The following MYRIP variants were observed in gnomAD, a reference collection of about 807,000 sequenced individuals.
MYRIP encodes the protein myosin VIIA and Rab interacting protein.
Under a neutral mutation model 98.0 loss-of-function variants are expected in MYRIP, and 49 were observed. That is an observed-to-expected ratio of 0.50 (90% CI 0.40 to 0.63). The LOEUF is 0.63. Ranked by LOEUF, MYRIP falls within the 30% of genes least tolerant of loss-of-function variation. The pLI is 0.00. For missense variants in MYRIP, 1,004 were observed against 1,058.2 expected (o/e 0.95, Z 0.71); for synonymous variants, 404 against 409.5 (o/e 0.99, Z 0.16).
chr3:40,108,002 A>G (rs1949082736), intron 3 of MYRIP, among the ~76,000 whole-genome samples: 1 of 152,228 alleles, frequency 6.6e-6, no homozygotes, highest in African/African-American at 2.4e-5. Context: ...TTCTGACATT[A>G]GCATAGAGAG....
chr3:39,964,515 A>T lies in MYRIP; in HGVS notation c.110+63589A>T, dbSNP rs114257882. Among the ~76,000 whole-genome samples the T allele has an allele frequency of 3.2e-3, 490 of 152,248 alleles. 3 individuals carry two copies. Among genetic ancestry groups the T allele is most frequent in the African/African-American group, 0.011 (463 of 41,562 alleles). ...TACTATAGATAAATTCTTAACACCT[A>T]TCCAAGGTCTTTATTCTTCCCTTTC... On this transcript the variant is annotated intron_variant, in intron 2 of 16. Transcript: ENST00000302541.
intron 1 of MYRIP, among the ~76,000 whole-genome samples, chr3:39,899,215 A>G (rs4676533): frequency 0.35 from 52,927 of 151,722 alleles, 9,560 homozygotes; most frequent in Middle Eastern, 0.45. Flanking sequence ...ACTTGTATGC[A>G]TGCTGTACAT....
intron 2 of MYRIP, among the ~76,000 whole-genome samples, chr3:40,022,868 G>T (rs538626423): frequency 3.9e-4 from 60 of 152,206 alleles, no homozygotes; most frequent in Non-Finnish European, 7.2e-4. Flanking sequence ...TAGATATTTT[G>T]AGTATTTTAG....
chr3:40,112,593 G>C (rs927128809), intron 3 of MYRIP, among the ~76,000 whole-genome samples: 2 of 152,156 alleles, frequency 1.3e-5, no homozygotes, highest in African/African-American at 4.8e-5. Context: ...GCCTGAGCTC[G>C]CATGATCCAA....
intron 1 of MYRIP, among the ~76,000 whole-genome samples, chr3:39,817,241 C>T (rs182638454): frequency 5.3e-4 from 81 of 152,150 alleles, no homozygotes; most frequent in Non-Finnish European, 8.4e-4. Flanking sequence ...TGGTAAGGAT[C>T]GAAAAAGAGA....
chr3:40,174,543 T>C (rs1229422423), intron 8 of MYRIP: 3 of 152,264 alleles, frequency 2.0e-5, no homozygotes, highest in African/African-American at 4.8e-5. Context: ...GCTGCTATTA[T>C]CAGCGCCTTC....
intron 3 of MYRIP, among the ~76,000 whole-genome samples, chr3:40,102,736 C>G (rs1359453023): frequency 2.0e-5 from 3 of 151,802 alleles, no homozygotes; most frequent in African/African-American, 7.3e-5. Flanking sequence ...GGTATGTACA[C>G]CCTGGAGAAG....
intron 3 of MYRIP, among the ~76,000 whole-genome samples, chr3:40,102,286 C>G (rs1948959917): frequency 6.6e-6 from 1 of 152,204 alleles, no homozygotes. Context: ...AGAGGCCTAA[C>G]TATTTCATCT....
At chr3:40,183,312 G>A (rs1476236162) in intron 9 of MYRIP, among the ~76,000 whole-genome samples, 1 of 152,178 alleles carries the variant, frequency 6.6e-6, no homozygotes, top group Non-Finnish European at 1.5e-5. Context: ...ACATCCTGAG[G>A]AAGGCATTGA....
chr3:40,013,946 T>C (rs1946811187), intron 2 of MYRIP, among the ~76,000 whole-genome samples: 1 of 152,238 alleles, frequency 6.6e-6, no homozygotes. Flanking sequence ...GCTCCTGTTG[T>C]ATTGGGTCCC....
chr3:40,222,678 CA>C (rs1478059663), intron 11 of MYRIP, among the ~76,000 whole-genome samples: 2 of 149,784 alleles, frequency 1.3e-5, no homozygotes, highest in Non-Finnish European at 3.0e-5. Flanking sequence ...GCTACTGCAT[CA>C]AATGCAAAGA....
chr3:40,255,117 T>C (rs1421484766), intron 16 of MYRIP, among the ~76,000 whole-genome samples: 2 of 152,230 alleles, frequency 1.3e-5, no homozygotes, highest in Admixed American at 1.3e-4. Flanking sequence ...TAAAGTCTAA[T>C]TCCCTTGCTT....
At chr3:40,078,629 A>G (rs1341620491) in intron 3 of MYRIP, among the ~76,000 whole-genome samples, 2 of 152,158 alleles carry the variant, frequency 1.3e-5, no homozygotes, top group Non-Finnish European at 2.9e-5. Flanking sequence ...TCTTCCTCCC[A>G]AAGTTTATAT....
chr3:40,143,972 A>G (rs573936198), intron 3 of MYRIP, among the ~76,000 whole-genome samples: 1 of 152,322 alleles, frequency 6.6e-6, no homozygotes, highest in Non-Finnish European at 1.5e-5. Flanking sequence ...TCATTAAAAT[A>G]TTTCGGAATG....
intron 11 of MYRIP, among the ~76,000 whole-genome samples, chr3:40,227,916 G>T (rs1952534101): frequency 6.6e-6 from 1 of 152,222 alleles, no homozygotes; most frequent in Admixed American, 6.5e-5. Flanking sequence ...GTGCAGAGGG[G>T]TTAAGTATTT....
At chr3:40,190,545 C>A in intron 10 of MYRIP, 82 bp downstream of exon 10, 1 of 1,493,582 alleles carries the variant, frequency 6.7e-7, no homozygotes, top group South Asian at 1.4e-5. Flanking sequence ...GGCATAGAGT[C>A]CTGGGTTTGG....
chr3:40,109,293 G>A (rs1422891459), intron 3 of MYRIP, among the ~76,000 whole-genome samples: 1 of 152,176 alleles, frequency 6.6e-6, no homozygotes, highest in East Asian at 1.9e-4. Flanking sequence ...AAACAAGAGG[G>A]AAATGTAGTG....
chr3:39,819,266 T>C (rs748880010), intron 1 of MYRIP, among the ~76,000 whole-genome samples: 1 of 152,056 alleles, frequency 6.6e-6, no homozygotes, highest in Non-Finnish European at 1.5e-5. Context: ...GAGAATTGCT[T>C]GAACTCAGGA....
chr3:40,011,267 C>A (rs1946754523), intron 2 of MYRIP, among the ~76,000 whole-genome samples: 1 of 152,190 alleles, frequency 6.6e-6, no homozygotes, highest in Non-Finnish European at 1.5e-5. Context: ...CACCTAGCTG[C>A]AAGTGGTGCT....
Sources: allele counts gnomAD v4.1 joint callset (sites outside exome capture counted in the v4.1 genomes callset), GRCh38; gene constraint gnomAD v4.1.1; transcripts MANE v1.5; gene names NCBI Gene and HGNC (gene_info 2026-07-23, HGNC 2026-07-21).